Variants in CCKBR observed in about 807,000 individuals in gnomAD.
CCKBR encodes gastrin/cholecystokinin type B receptor.
CCKBR carries 33 observed loss-of-function variants against 34.6 expected under a neutral mutation model. The ratio of observed to expected loss-of-function variants is 0.95; its 90% CI spans 0.72 to 1.27. The LOEUF (loss-of-function observed/expected upper bound fraction) is 1.27. Ranked by LOEUF, CCKBR falls within the 50% of genes most tolerant of loss-of-function variation. The probability of loss-of-function intolerance (pLI) is 0.00; values close to 1 mark genes in which losing one functional copy is unlikely to be tolerated. For missense variants in CCKBR, 652 were observed against 617.4 expected, an observed-to-expected ratio of 1.06 and a Z score of -0.59; for synonymous variants, 269 against 267.5, an observed-to-expected ratio of 1.01 and a Z score of -0.06.
intron 1 of CCKBR, among the ~76,000 whole-genome samples, chr11:6,263,603 TGG>T (rs949546690): frequency 2.6e-5 from 4 of 151,944 alleles, no homozygotes; most frequent in African/African-American, 9.7e-5. Context: ...CCTAAATAGC[TGG>T]GACTACAGGC....
In CCKBR at chr11:6,271,577, A is replaced by G; in HGVS notation, c.*34A>G. ...GGGGCCGTGGGGGTTGAGGCAGGGC[A>G]AATGACATGCACTGACCCTTCCAGA... On this transcript the variant is annotated 3_prime_UTR_variant, in exon 5 of 5. Coordinates refer to ENST00000334619, the MANE Select transcript of CCKBR (RefSeq NM_176875.4). 1 of 1,538,014 alleles carries G rather than the reference A, an allele frequency of 6.5e-7. No homozygotes were observed. Among genetic ancestry groups the G allele is most frequent in the Non-Finnish European group, 8.7e-7 (1 of 1,146,158 alleles).
In CCKBR at chr11:6,266,402, T is replaced by A. The variant is rs539591624; in HGVS notation, c.152-3267T>A. Among the ~76,000 whole-genome samples, 3 of 152,208 alleles carry A rather than the reference T, an allele frequency of 2.0e-5. No homozygotes were observed. In the East Asian group the frequency reaches 5.8e-4, roughly 29 times the overall value. On this transcript the variant is annotated intron_variant, in intron 1 of 4. Coordinates refer to ENST00000334619, the MANE Select transcript of CCKBR (RefSeq NM_176875.4). The stretch of plus-strand genomic sequence containing the variant: ...TACTCAGGAGGCTGAGGCAGGAGAA[T>A]CGCTTGAACCCAGGAGGCAAAGGTT...
rs766621662 is a variant in CCKBR at position 6,269,814 on chromosome 11, C to A, written c.297C>A (p.Ser99Arg). 6.2e-7 allele frequency: 1 copy of A among 1,614,154 alleles called. No individual in the cohort carries two copies. Among genetic ancestry groups the A allele is most frequent in the Non-Finnish European group, 8.5e-7 (1 of 1,180,018 alleles). Reference protein sequence around the residue: ...TNAFLLSLAVSDLLLAVACMP... With the variant: ...TNAFLLSLAVRDLLLAVACMP... ...CCTTCCTCCTCTCACTGGCAGTCAG[C>A]GACCTCCTGCTGGCTGTGGCTTGCA... The change falls in exon 2 of 5, where the codon AGC becomes AGA. Residue 99 changes from serine (S) to arginine (R), a missense_variant. By Grantham distance (110) the Ser-to-Arg change is moderately radical. Transcript: ENST00000334619.
intron 1 of CCKBR, among the ~76,000 whole-genome samples, chr11:6,267,041 A>G (rs960497631): frequency 6.6e-6 from 1 of 152,224 alleles, no homozygotes; most frequent in Non-Finnish European, 1.5e-5. Context: ...ACACCTGTAT[A>G]GGGCACGTAC....
intron 1 of CCKBR, among the ~76,000 whole-genome samples, 197 bp downstream of exon 1, chr11:6,260,276 C>G (rs1366554658): frequency 1.3e-5 from 2 of 152,032 alleles, no homozygotes; most frequent in African/African-American, 4.8e-5. Context: ...CTTCACACCA[C>G]CTGGTCGGAA....
intron 2 of CCKBR, 76 bp downstream of exon 2, chr11:6,269,996 C>G: frequency 1.9e-6 from 3 of 1,594,610 alleles, no homozygotes; most frequent in Non-Finnish European, 1.7e-6. Flanking sequence ...GGGTCTTCCC[C>G]GGTTGGCAGG....
chr11:6,270,962 G>A (rs1489392402), intron 4 of CCKBR, 49 bp from the exon 5 acceptor site: 1 of 1,613,066 alleles, frequency 6.2e-7, no homozygotes, highest in East Asian at 2.2e-5. Flanking sequence ...CTGGGCTGGA[G>A]ACTGGGGGGA....
rs1488634700 is a variant in CCKBR at position 6,270,807 on chromosome 11, G to A, written c.811+4G>A. ...CGAAACCAAGGCGGGCTGCCAGGTGGGGCTGGACCACGTGAGCAAAATCTG... is the reference window on the plus strand; with the variant it reads ...CGAAACCAAGGCGGGCTGCCAGGTGAGGCTGGACCACGTGAGCAAAATCTG... On this transcript the variant is annotated splice_donor_region_variant and intron_variant, in intron 4 of 4. Coordinates refer to ENST00000334619, the MANE Select transcript of CCKBR (RefSeq NM_176875.4). The A allele has an allele frequency of 1.2e-6, 2 of 1,614,072 alleles. No individual in the cohort carries two copies. Among genetic ancestry groups the A allele is most frequent in the Non-Finnish European group, 1.7e-6 (2 of 1,179,992 alleles).
chr11:6,269,014 A>G (rs1397578207), intron 1 of CCKBR, among the ~76,000 whole-genome samples: 1 of 151,342 alleles, frequency 6.6e-6, no homozygotes, highest in Non-Finnish European at 1.5e-5. Context: ...CAAATGATGC[A>G]TTCAAGAAAT....
At chr11:6,262,230 C>T (rs143790496) in intron 1 of CCKBR, among the ~76,000 whole-genome samples, 3,377 of 152,246 alleles carry the variant, frequency 0.022, 50 homozygotes, top group Non-Finnish European at 0.033. Context: ...GGTGGAAATA[C>T]AGACTTGAAG....
chr11:6,262,269 C>A (rs1379626179), intron 1 of CCKBR, among the ~76,000 whole-genome samples: 1 of 151,444 alleles, frequency 6.6e-6, no homozygotes, highest in Non-Finnish European at 1.5e-5. Context: ...ATGTAGAAGC[C>A]CCGAGAATAG....
In CCKBR at chr11:6,271,324, T is replaced by C; in HGVS notation, c.1125T>C (p.Ile375=). The C allele has an allele frequency of 6.2e-7, 1 of 1,614,202 alleles. No homozygotes were observed. Among genetic ancestry groups the C allele is most frequent in the Non-Finnish European group, 8.5e-7 (1 of 1,180,020 alleles). Residue 375 remains isoleucine (I), a synonymous_variant, in exon 5 of 5, where the codon ATT becomes ATC. Transcript: ENST00000334619. Reference sequence around the variant, plus strand: ...TCTCGGGTGCTCCTATCTCCTTCATTCACTTGCTGAGCTACGCCTCGGCCT... The same window carrying C: ...TCTCGGGTGCTCCTATCTCCTTCATCCACTTGCTGAGCTACGCCTCGGCCT... The part of the protein sequence containing the change: ...RALSGAPISF[I]HLLSYASACV...
chr11:6,271,635 A>G lies in CCKBR; in HGVS notation c.*92A>G. ...AACACAAACCACAACTGACACAGGA[A>G]ACCAACACCCAAAGCATGGACTAAC... On this transcript the variant is annotated 3_prime_UTR_variant, in exon 5 of 5. Transcript: ENST00000334619. The G allele has an allele frequency of 7.8e-7, 1 of 1,288,744 alleles. No homozygotes were observed. The highest frequency in any genetic ancestry group is 1.5e-5 in the African/African-American group (1 of 67,114). 79.8% of individuals were successfully genotyped at this position (1,288,744 alleles called of 1,614,324 possible).
chr11:6,264,453 T>C, intron 1 of CCKBR: 1 of 649,256 alleles, frequency 1.5e-6, no homozygotes, highest in East Asian at 2.8e-5. Flanking sequence ...TTTGCACTCA[T>C]ACTTCTCTGC....
rs148059332 is a variant in CCKBR, at chr11:6,271,494, C to G, written c.1295C>G (p.Ser432Trp). Reference sequence around the variant, plus strand: ...GACCCTCCCACTCCCTCCATTGCTTCGCTGTCCAGGCTTAGCTACACCACC... The same window carrying G: ...GACCCTCCCACTCCCTCCATTGCTTGGCTGTCCAGGCTTAGCTACACCACC... The part of the protein sequence containing the change: ...DEDPPTPSIA[S>W]LSRLSYTTIS... The change falls in exon 5 of 5, where the codon TCG becomes TGG. Residue 432 changes from serine (S) to tryptophan (W), a missense_variant. Coordinates refer to ENST00000334619, the MANE Select transcript of CCKBR (RefSeq NM_176875.4). The G allele has an allele frequency of 1.2e-6, 2 of 1,611,164 alleles. No homozygotes were observed. The highest frequency in any genetic ancestry group is 1.1e-5 in the South Asian group (1 of 91,010).
chr11:6,259,851 A>C lies in CCKBR; in HGVS notation c.-78A>C. On this transcript the variant is annotated 5_prime_UTR_variant, in exon 1 of 5. Transcript: ENST00000334619. Reference sequence around the variant, plus strand: ...GAGGGCGGCGGGAGCCTGAGCCGGAATCGCAGCGTGAGCAGGTGGAGCCGC... The same window carrying C: ...GAGGGCGGCGGGAGCCTGAGCCGGACTCGCAGCGTGAGCAGGTGGAGCCGC... 8.1e-7 allele frequency: 1 copy of C among 1,231,264 alleles called. No homozygotes were observed. The highest frequency in any genetic ancestry group is 1.1e-6 in the Non-Finnish European group (1 of 938,206). The allele number at this position is 1,231,264 out of a possible 1,614,324, so 76.3% of individuals were successfully genotyped here.
Position 6,270,654 on chromosome 11 carries a change from T to G in CCKBR, c.662T>G (p.Leu221Arg), listed in dbSNP as rs1309695318. Residue 221 changes from leucine (L) to arginine (R), a missense_variant, in exon 4 of 5, where the codon CTG becomes CGG. By Grantham distance (102) the Leu-to-Arg change is moderately radical. Transcript: ENST00000334619. ...SARVRQTWSV[L>R]LLLLLFFIPG... ...GTCTGTGTTGCCTTCAGGTCCGTAC[T>G]GCTGCTTCTGCTCTTGTTCTTCATC... 6.2e-7 allele frequency: 1 copy of G among 1,608,466 alleles called. No homozygotes were observed. Among genetic ancestry groups the G allele is most frequent in the South Asian group, 1.1e-5 (1 of 90,758 alleles).
At position 6,269,679 on chromosome 11, in the gene CCKBR, G is replaced by T. The variant is rs199657746; in HGVS notation, c.162G>T (p.Leu54=). The stretch of plus-strand genomic sequence containing the variant: ...CCTTTTCTTACCCAGAATTGGAGCT[G>T]GCCATTAGAATCACTCTTTACGCAG... ...IRGAGTRELE[L]AIRITLYAVI... Residue 54 remains leucine, a synonymous_variant, in exon 2 of 5, where the codon CTG becomes CTT. Coordinates refer to ENST00000334619, the MANE Select transcript of CCKBR (RefSeq NM_176875.4). The T allele has an allele frequency of 8.7e-5, 140 of 1,613,406 alleles. No individual in the cohort carries two copies. Among genetic ancestry groups the T allele is most frequent in the Non-Finnish European group, 1.1e-4 (134 of 1,179,974 alleles).
intron 1 of CCKBR, among the ~76,000 whole-genome samples, chr11:6,268,381 G>A (rs1336775069): frequency 6.6e-6 from 1 of 152,116 alleles, no homozygotes; most frequent in African/African-American, 2.4e-5. Flanking sequence ...TGAGGCCATA[G>A]GTGTGAGTAA....
Sources: gnomAD v4.1 joint callset for allele counts (sites outside exome capture counted in the v4.1 genomes callset) on GRCh38, gnomAD v4.1.1 for gene constraint, MANE v1.5 for transcripts, NCBI Gene and HGNC (gene_info 2026-07-23, HGNC 2026-07-21) for gene names.